The following SGTB variants were observed in gnomAD, a reference collection of about 807,000 sequenced individuals.
SGTB encodes small glutamine-rich tetratricopeptide repeat-containing protein beta.
Under a neutral mutation model 43.9 loss-of-function variants are expected in SGTB, and 19 were observed. The ratio of observed to expected loss-of-function variants is 0.43; its 90% CI spans 0.30 to 0.63. The LOEUF is 0.63. SGTB is among the 30% of genes least tolerant of loss of function. SGTB has a pLI of 0.12. For missense variants in SGTB, 304 were observed against 358.9 expected (o/e 0.85, Z 1.24); for synonymous variants, 116 against 117.3 (o/e 0.99, Z 0.07).
At position 65,680,118 on chromosome 5, in the gene SGTB, T is replaced by G. The variant is rs546034020; in HGVS notation, c.681+376A>C. 2.0e-5 allele frequency among the ~76,000 whole-genome samples: 3 copies of G among 152,158 alleles called. No individual in the cohort carries two copies. The South Asian group carries it at 6.2e-4, about 32-fold the overall frequency. Reference sequence around the variant, plus strand: ...TTCTCACTTACAAGTGGGAGCCAAATGATGAGAACACAATGACACATGTAG... The same window carrying G: ...TTCTCACTTACAAGTGGGAGCCAAAGGATGAGAACACAATGACACATGTAG... On this transcript the variant is annotated intron_variant, in intron 8 of 10. Transcript: ENST00000381007.
In SGTB at chr5:65,669,006, A is replaced by G. The variant is rs930127468; in HGVS notation, c.*1240T>C. The G allele has an allele frequency of 6.6e-6, 1 of 152,180 alleles. No individual in the cohort carries two copies. Among genetic ancestry groups the G allele is most frequent in the African/African-American group, 2.4e-5 (1 of 41,444 alleles). 9.4% of individuals were successfully genotyped at this position (152,180 alleles called of 1,614,324 possible). On this transcript the variant is annotated 3_prime_UTR_variant, in exon 11 of 11. Transcript: ENST00000381007. ...GCACCAATTTCATTATTAATAAACA[A>G]AAAATATACTCTAGTTGGAATTAAA...
In SGTB at chr5:65,699,885, A is replaced by C. The variant is rs527270795; in HGVS notation, c.374+4394T>G. ...AAGCTTTAAAAGACAAATAAATAGA[A>C]GATTATAACAAGATAGAATTTGATA... On this transcript the variant is annotated intron_variant, in intron 5 of 10. Coordinates refer to ENST00000381007, the MANE Select transcript of SGTB (RefSeq NM_019072.3). 2.6e-5 allele frequency among the ~76,000 whole-genome samples: 4 copies of C among 152,372 alleles called. No individual in the cohort carries two copies. In the South Asian group the frequency reaches 8.3e-4, roughly 32 times the overall value.
intron 5 of SGTB, among the ~76,000 whole-genome samples, chr5:65,687,837 C>T (rs1309309879): frequency 2.6e-5 from 4 of 152,142 alleles, no homozygotes; most frequent in Admixed American, 6.5e-5. Flanking sequence ...GGCGCGATCT[C>T]GGCTCACTGC....
chr5:65,706,484 C>T (rs1757935828), intron 4 of SGTB, among the ~76,000 whole-genome samples: 2 of 152,060 alleles, frequency 1.3e-5, no homozygotes, highest in Non-Finnish European at 2.9e-5. Flanking sequence ...CACATATATA[C>T]TATAAGTTAA....
chr5:65,705,749 C>G (rs1346102545), intron 4 of SGTB, among the ~76,000 whole-genome samples: 1 of 151,582 alleles, frequency 6.6e-6, no homozygotes, highest in Non-Finnish European at 1.5e-5. Flanking sequence ...TTCTGTAGGC[C>G]GGGTATGATG....
At chr5:65,674,774 A>T (rs1757233141) in intron 8 of SGTB, among the ~76,000 whole-genome samples, 1 of 152,098 alleles carries the variant, frequency 6.6e-6, no homozygotes, top group Admixed American at 6.6e-5. Flanking sequence ...CATTTTTCAC[A>T]TCTTGTTACA....
rs539807826 is a variant in SGTB, at chr5:65,666,301, T to G, written c.*3945A>C. 1.3e-5 allele frequency: 2 copies of G among 152,294 alleles called. No individual in the cohort carries two copies. The highest frequency in any genetic ancestry group is 1.3e-4 in the Admixed American group (2 of 15,296). The allele number at this position is 152,294 out of a possible 1,614,324, so 9.4% of individuals were successfully genotyped here. On this transcript the variant is annotated 3_prime_UTR_variant, in exon 11 of 11. Transcript: ENST00000381007. ...ATAACTTACACATATTTTTCATAGT[T>G]TTAAGTAAAGATTAAATAATGCCAT...
intron 3 of SGTB, among the ~76,000 whole-genome samples, chr5:65,712,224 T>A (rs554834920): frequency 6.6e-6 from 1 of 152,134 alleles, no homozygotes; most frequent in East Asian, 1.9e-4. Context: ...CAATGAGCCA[T>A]GATCACACCA....
At chr5:65,677,439 A>T (rs1049389058) in intron 8 of SGTB, among the ~76,000 whole-genome samples, 1 of 152,096 alleles carries the variant, frequency 6.6e-6, no homozygotes, top group African/African-American at 2.4e-5. Context: ...TTCCTACAGA[A>T]ACTATTCTAA....
chr5:65,678,543 A>G (rs374513379), intron 8 of SGTB, among the ~76,000 whole-genome samples: 2 of 152,254 alleles, frequency 1.3e-5, no homozygotes, highest in South Asian at 4.1e-4. Flanking sequence ...ATCCAAGGCA[A>G]TCCTAAACAA....
In SGTB at chr5:65,706,773, A is replaced by G. The variant is rs547175319; in HGVS notation, c.274+1716T>C. Reference sequence around the variant, plus strand: ...CTTGAACCTGGGAGGCAGAGGTTGCAGTGAGCCAAGATTGCACCACTGCAC... The same window carrying G: ...CTTGAACCTGGGAGGCAGAGGTTGCGGTGAGCCAAGATTGCACCACTGCAC... On this transcript the variant is annotated intron_variant, in intron 4 of 10. Coordinates refer to ENST00000381007, the MANE Select transcript of SGTB (RefSeq NM_019072.3). 4.7e-3 allele frequency among the ~76,000 whole-genome samples: 708 copies of G among 152,178 alleles called. 3 individuals are homozygous for G. The highest frequency in any genetic ancestry group is 0.016 in the African/African-American group (660 of 41,524).
chr5:65,703,370 G>A (rs1408777402), intron 5 of SGTB, among the ~76,000 whole-genome samples: 1 of 152,138 alleles, frequency 6.6e-6, no homozygotes, highest in Non-Finnish European at 1.5e-5. Context: ...ATAAAATAAG[G>A]ACATATTTTT....
chr5:65,693,692 T>C (rs1199212942), intron 5 of SGTB, among the ~76,000 whole-genome samples: 2 of 152,208 alleles, frequency 1.3e-5, no homozygotes, highest in African/African-American at 4.8e-5. Context: ...TATAATATCC[T>C]AGACACTGAA....
At chr5:65,704,182 T>C in intron 5 of SGTB, 97 bp downstream of exon 5, 14 of 927,476 alleles carry the variant, frequency 1.5e-5, no homozygotes, top group Non-Finnish European at 2.1e-5. Context: ...TTCTGAACTT[T>C]CAAAATTTTC....
intron 8 of SGTB, among the ~76,000 whole-genome samples, chr5:65,673,390 C>A (rs1323683151): frequency 2.0e-5 from 3 of 152,242 alleles, no homozygotes; most frequent in African/African-American, 7.2e-5. Context: ...CCAGGCTGCA[C>A]AGCAGCAGGT....
chr5:65,722,315 C>T (rs79357789), upstream of SGTB: 1,525 of 1,444,122 alleles, frequency 1.1e-3, 28 homozygotes, highest in East Asian at 0.038. Flanking sequence ...CTGCCGCCCG[C>T]CTCGCCGCCC....
chr5:65,710,989 C>CT (rs1156685804), intron 3 of SGTB, among the ~76,000 whole-genome samples: 1 of 133,036 alleles, frequency 7.5e-6, no homozygotes, highest in Non-Finnish European at 1.6e-5. Context: ...GGACAAGACT[C>CT]TGTCTCAAAA....
chr5:65,701,528 T>C (rs1757818863), intron 5 of SGTB, among the ~76,000 whole-genome samples: 1 of 152,020 alleles, frequency 6.6e-6, no homozygotes, highest in South Asian at 2.1e-4. Context: ...TGAAAAACAT[T>C]AAAAGGCAAA....
intron 8 of SGTB, among the ~76,000 whole-genome samples, chr5:65,679,560 T>C (rs1445856037): frequency 6.6e-6 from 1 of 152,106 alleles, no homozygotes; most frequent in Non-Finnish European, 1.5e-5. Flanking sequence ...GAGGTTGCAG[T>C]GAGCCAAGAT....
Sources: gnomAD v4.1 joint callset for allele counts (sites outside exome capture counted in the v4.1 genomes callset) on GRCh38, gnomAD v4.1.1 for gene constraint, MANE v1.5 for transcripts, NCBI Gene and HGNC (gene_info 2026-07-23, HGNC 2026-07-21) for gene names.